The following FAM149A variants were observed in gnomAD, a reference collection of about 807,000 sequenced individuals.
The protein encoded by FAM149A is family with sequence similarity 149 member A, also known as protein FAM149A.
A neutral mutation model predicts 78.2 loss-of-function variants in FAM149A; 71 were observed. The observed-to-expected ratio is 0.91, with a 90% CI of 0.75 to 1.11. FAM149A has a LOEUF of 1.11. Ranked by LOEUF, FAM149A falls within the 50% of genes least tolerant of loss-of-function variation. The pLI is 0.00. For synonymous variants in FAM149A, 446 were observed against 410.5 expected (o/e 1.09, Z -1.04); for missense variants, 1,036 against 971.0 (o/e 1.07, Z -0.89).
At chr4:186,136,300 C>T (rs1303804429) in intron 1 of FAM149A, among the ~76,000 whole-genome samples, 2 of 151,944 alleles carry the variant, frequency 1.3e-5, no homozygotes, top group Non-Finnish European at 2.9e-5. Flanking sequence ...ATTCTTTTTT[C>T]ACTTTATACT....
At chr4:186,165,717 G>A (rs1204023375) in intron 11 of FAM149A, among the ~76,000 whole-genome samples, 4 of 152,178 alleles carry the variant, frequency 2.6e-5, no homozygotes, top group African/African-American at 7.2e-5. Flanking sequence ...AGGTGTCAAG[G>A]AAATCTCTGA....
chr4:186,105,545 T>C lies in FAM149A; in HGVS notation c.469T>C (p.Cys157Arg). 1 of 1,137,552 alleles carries C rather than the reference T, an allele frequency of 8.8e-7. No individual in the cohort carries two copies. Among genetic ancestry groups the C allele is most frequent in the Non-Finnish European group, 1.1e-6 (1 of 921,406 alleles). The allele number at this position is 1,137,552 out of a possible 1,614,324, so 70.5% of individuals were successfully genotyped here. The change falls in exon 1 of 14, where the codon TGC (cysteine) becomes CGC (arginine). Residue 157 changes from cysteine to arginine, a missense_variant. Cys to Arg is a radical substitution (Grantham distance 180). Transcript: ENST00000389354. ...CCCCGGAGAGCGAGAGCTCGGCGCC[T>C]GCGTGGCCCCCGGGGCTGGCCCCAG...
chr4:186,109,563 C>G (rs148059742), intron 1 of FAM149A: 1 of 985,328 alleles, frequency 1.0e-6, no homozygotes, highest in African/African-American at 1.7e-5. Context: ...TCTTCCCTAG[C>G]TGTAGTTTTT....
intron 8 of FAM149A, chr4:186,158,264 C>T: frequency 1.6e-6 from 2 of 1,235,132 alleles, no homozygotes; most frequent in Non-Finnish European, 2.1e-6. Flanking sequence ...TCTGCTGGTC[C>T]CAGGCGACCA....
intron 1 of FAM149A, among the ~76,000 whole-genome samples, chr4:186,115,420 T>G (rs1382429096): frequency 1.3e-5 from 2 of 148,820 alleles, no homozygotes; most frequent in African/African-American, 2.5e-5. Context: ...CCATCCAGCT[T>G]TGTTCCATTG....
intron 1 of FAM149A, chr4:186,127,065 C>T (rs1338359255): frequency 8.1e-6 from 8 of 985,358 alleles, no homozygotes; most frequent in Non-Finnish European, 9.6e-6. Flanking sequence ...ACTTCACAGG[C>T]AGAAGTAGTG....
intron 1 of FAM149A, chr4:186,133,265 T>A (rs912452451): frequency 6.1e-5 from 55 of 901,664 alleles, no homozygotes; most frequent in Non-Finnish European, 7.0e-5. Flanking sequence ...AAGTACCACA[T>A]TCACAGTGTT....
chr4:186,127,195 A>G (rs2099318679), intron 1 of FAM149A: 20 of 975,378 alleles, frequency 2.1e-5, no homozygotes, highest in Non-Finnish European at 2.3e-5. Context: ...GTAGCATCAC[A>G]CTGGGAGTTT....
intron 1 of FAM149A, among the ~76,000 whole-genome samples, chr4:186,130,663 A>T (rs1190392328): frequency 6.6e-6 from 1 of 151,884 alleles, no homozygotes; most frequent in Non-Finnish European, 1.5e-5. Context: ...CTGGCCAATT[A>T]TGTATAATTT....
In FAM149A at chr4:186,171,933, A is replaced by G. The variant is rs1735573384; in HGVS notation, c.2238A>G (p.Lys746=). The G allele has an allele frequency of 6.2e-7, 1 of 1,611,478 alleles. No homozygotes were observed. Among genetic ancestry groups the G allele is most frequent in the South Asian group, 1.1e-5 (1 of 90,244 alleles). The change falls in exon 14 of 14, where the codon AAA becomes AAG. Residue 746 remains lysine (K), a synonymous_variant. Transcript: ENST00000389354. ...TTCCAGGTTCACAATATGTGCCTAAATCTTTTCAGAGGACAACTTTGACTT... is the reference window on the plus strand; with the variant it reads ...TTCCAGGTTCACAATATGTGCCTAAGTCTTTTCAGAGGACAACTTTGACTT...
intron 1 of FAM149A, among the ~76,000 whole-genome samples, chr4:186,139,820 C>T (rs1304670230): frequency 1.3e-5 from 2 of 152,086 alleles, no homozygotes; most frequent in Admixed American, 1.3e-4. Flanking sequence ...TTTGTATTTG[C>T]AAAGCAAGGC....
At position 186,152,018 on chromosome 4, in the gene FAM149A, A is replaced by C. The variant is rs555180542; in HGVS notation, c.905A>C (p.Glu302Ala). The change falls in exon 4 of 14, where the codon GAG becomes GCG. Residue 302 changes from glutamate (E) to alanine (A), a missense_variant. Physicochemically the swap from Glu to Ala is moderately radical, Grantham distance 107 (BLOSUM62 -1). Coordinates refer to ENST00000389354, the MANE Select transcript of FAM149A (RefSeq NM_001367768.3). The stretch of plus-strand genomic sequence containing the variant: ...CAGAGTCTGCTGGCCGAATGCGGGG[A>C]GTGGACAAGAAGATCCCTCCATTTG... 6.2e-7 allele frequency: 1 copy of C among 1,613,978 alleles called. No individual in the cohort carries two copies. The highest frequency in any genetic ancestry group is 1.3e-5 in the African/African-American group (1 of 75,004).
chr4:186,165,598 T>G (rs1734964114), intron 11 of FAM149A, 134 bp downstream of exon 11: 1 of 832,964 alleles, frequency 1.2e-6, no homozygotes, highest in Non-Finnish European at 1.8e-6. Flanking sequence ...GCCTTCATAA[T>G]CTGTTTCCAG....
chr4:186,162,741 T>A (rs888959331), intron 8 of FAM149A, 104 bp from the exon 9 acceptor site: 2 of 641,388 alleles, frequency 3.1e-6, no homozygotes, highest in Non-Finnish European at 5.6e-6. Flanking sequence ...AGCTGGTGAG[T>A]GTGCCGGGTG....
intron 8 of FAM149A, among the ~76,000 whole-genome samples, chr4:186,161,316 T>G (rs1211960807): frequency 6.6e-6 from 1 of 152,078 alleles, no homozygotes; most frequent in Non-Finnish European, 1.5e-5. Flanking sequence ...CGTGGGAGCT[T>G]CTAAACCCGC....
intron 1 of FAM149A, chr4:186,117,785 A>G (rs970901044): frequency 2.5e-5 from 19 of 775,386 alleles, no homozygotes; most frequent in Non-Finnish European, 6.3e-6. Flanking sequence ...GCAGGGAGCT[A>G]GTAGGAAGCT....
chr4:186,160,288 C>G (rs1561413618), intron 8 of FAM149A, among the ~76,000 whole-genome samples: 1 of 141,126 alleles, frequency 7.1e-6, no homozygotes, highest in African/African-American at 2.7e-5. Flanking sequence ...ACACCACACA[C>G]CAAACACACA....
At chr4:186,140,234 A>T (rs1225965063) in intron 1 of FAM149A, among the ~76,000 whole-genome samples, 1 of 152,182 alleles carries the variant, frequency 6.6e-6, no homozygotes, top group African/African-American at 2.4e-5. Context: ...AATTTTTGGA[A>T]TAACTTTATA....
At chr4:186,118,146 G>A (rs1332668729) in intron 1 of FAM149A, 2 of 985,300 alleles carry the variant, frequency 2.0e-6, no homozygotes, top group Non-Finnish European at 2.4e-6. Context: ...GCACGTACAG[G>A]AGTTGGTGAA....
Sources: gnomAD v4.1 joint callset for allele counts (sites outside exome capture counted in the v4.1 genomes callset) on GRCh38, gnomAD v4.1.1 for gene constraint, MANE v1.5 for transcripts, NCBI Gene and HGNC (gene_info 2026-07-23, HGNC 2026-07-21) for gene names.